The following CSGALNACT1 variants were observed in gnomAD, a reference collection of about 807,000 sequenced individuals.
CSGALNACT1 encodes the protein chondroitin sulfate N-acetylgalactosaminyltransferase 1.
In CSGALNACT1, 52 loss-of-function variants were observed where a neutral mutation model predicts 51.0. The observed-to-expected ratio is 1.02, with a 90% CI of 0.82 to 1.29. CSGALNACT1 has a LOEUF of 1.29. Ranked by LOEUF, CSGALNACT1 falls within the 50% of genes most tolerant of loss-of-function variation. CSGALNACT1 has a pLI of 0.00. For synonymous variants in CSGALNACT1, 341 were observed against 254.4 expected (o/e 1.34, Z -3.24); for missense variants, 935 against 679.2 (o/e 1.38, Z -4.19).
intron 2 of CSGALNACT1, among the ~76,000 whole-genome samples, chr8:19,597,836 A>C (rs1449454972): frequency 6.6e-6 from 1 of 152,254 alleles, no homozygotes; most frequent in Non-Finnish European, 1.5e-5. Context: ...TACATATGCT[A>C]GATGCTAAAA....
At chr8:19,544,363 G>A (rs556186979) in intron 3 of CSGALNACT1, among the ~76,000 whole-genome samples, 2 of 152,158 alleles carry the variant, frequency 1.3e-5, no homozygotes, top group Admixed American at 6.5e-5. Flanking sequence ...AAGACATTGG[G>A]AACAAATCAA....
At chr8:19,644,206 G>C (rs995019934) in intron 1 of CSGALNACT1, among the ~76,000 whole-genome samples, 7 of 152,028 alleles carry the variant, frequency 4.6e-5, no homozygotes, top group African/African-American at 1.7e-4. Flanking sequence ...ACGGATTAAA[G>C]GCAAATATAC....
intron 3 of CSGALNACT1, among the ~76,000 whole-genome samples, chr8:19,508,563 T>C (rs1420759954): frequency 1.3e-5 from 2 of 152,222 alleles, no homozygotes; most frequent in African/African-American, 2.4e-5. Flanking sequence ...CACCTTGCTG[T>C]TTCTAATGAA....
chr8:19,685,520 A>G (rs1385078070), upstream of CSGALNACT1, among the ~76,000 whole-genome samples: 1 of 152,204 alleles, frequency 6.6e-6, no homozygotes, highest in Non-Finnish European at 1.5e-5. Flanking sequence ...ATAAAACAAG[A>G]AAAAAATTAT....
chr8:19,444,049 G>C (rs748006038), intron 5 of CSGALNACT1, among the ~76,000 whole-genome samples: 14 of 152,198 alleles, frequency 9.2e-5, no homozygotes, highest in Non-Finnish European at 1.6e-4. Flanking sequence ...TCTGACAAGA[G>C]GTGGCACTCA....
At chr8:19,716,879 G>C (rs914121952) in intron 1 of CSGALNACT1, among the ~76,000 whole-genome samples, 4 of 151,886 alleles carry the variant, frequency 2.6e-5, no homozygotes, top group African/African-American at 9.7e-5. Flanking sequence ...AATTAAAGTT[G>C]ACCTCATCCT....
rs545376686 is a variant in CSGALNACT1, at chr8:19,574,447, T to C, written c.-297+16713A>G. On this transcript the variant is annotated intron_variant, in intron 3 of 9. Coordinates refer to ENST00000454498, the Ensembl canonical transcript of CSGALNACT1. ...AGTTTATCAGACAGAACCAAAAAGC[T>C]ATGCTGCTCTTTCACAAGAGGCTCA... Among the ~76,000 whole-genome samples, 5 of 152,312 alleles carry C rather than the reference T, an allele frequency of 3.3e-5. No homozygotes were observed. The South Asian group carries it at 1.0e-3, about 32-fold the overall frequency.
chr8:19,564,236 C>T (rs967893675), intron 3 of CSGALNACT1, among the ~76,000 whole-genome samples: 2 of 152,144 alleles, frequency 1.3e-5, no homozygotes, highest in Admixed American at 6.5e-5. Flanking sequence ...ACAAAATCTA[C>T]GTTTTCTACT....
At position 19,505,692 on chromosome 8, in the gene CSGALNACT1, G is replaced by C. The variant is rs555370310; in HGVS notation, c.143C>G (p.Ala48Gly). 3.7e-6 allele frequency: 6 copies of C among 1,614,164 alleles called. No individual in the cohort carries two copies. The African/African-American group carries it at 5.3e-5, about 14-fold the overall frequency. ...CCCCTCCTTCCCCGTGGGGCTGTTG[G>C]CCCTGGGCAGTGCCAGCTGCTCCTC... The change falls in exon 4 of 10, where the codon GCC becomes GGC. Residue 48 changes from alanine (A) to glycine (G), a missense_variant. Coordinates refer to ENST00000454498, the Ensembl canonical transcript of CSGALNACT1.
At chr8:19,705,966 T>C (rs2062138676) in intron 1 of CSGALNACT1, among the ~76,000 whole-genome samples, 1 of 152,192 alleles carries the variant, frequency 6.6e-6, no homozygotes, top group Non-Finnish European at 1.5e-5. Context: ...CTTGATTATC[T>C]GAATCCCCGA....
intron 1 of CSGALNACT1, among the ~76,000 whole-genome samples, chr8:19,752,008 A>T (rs1444657158): frequency 6.7e-6 from 1 of 149,812 alleles, no homozygotes; most frequent in East Asian, 1.9e-4. Context: ...TAACATTTTT[A>T]AAAATTGTCT....
chr8:19,753,062 T>C (rs368749784), intron 1 of CSGALNACT1, among the ~76,000 whole-genome samples: 68 of 152,222 alleles, frequency 4.5e-4, no homozygotes, highest in African/African-American at 1.5e-3. Context: ...GTACCTATCA[T>C]CTTGGCGTGG....
At chr8:19,507,904 G>T (rs532152476) in intron 3 of CSGALNACT1, among the ~76,000 whole-genome samples, 1 of 152,254 alleles carries the variant, frequency 6.6e-6, no homozygotes, top group Non-Finnish European at 1.5e-5. Context: ...TGGGATTACA[G>T]GCGTGAGCCG....
chr8:19,654,261 A>G lies in CSGALNACT1; in HGVS notation c.-544+28212T>C, dbSNP rs17128799. Among the ~76,000 whole-genome samples, 519 of 152,332 alleles carry G rather than the reference A, an allele frequency of 3.4e-3. 13 individuals carry two copies. In the South Asian group the frequency reaches 0.071, roughly 21 times the overall value. On this transcript the variant is annotated intron_variant, in intron 1 of 9. Transcript: ENST00000332246. ...ACTGGAAATGCTCAATCACTTTCTTACAAGGTCATGTCCAGTTAGCATGGT... is the reference window on the plus strand; with the variant it reads ...ACTGGAAATGCTCAATCACTTTCTTGCAAGGTCATGTCCAGTTAGCATGGT...
chr8:19,572,415 G>T (rs763471103), intron 3 of CSGALNACT1, among the ~76,000 whole-genome samples: 1 of 152,152 alleles, frequency 6.6e-6, no homozygotes, highest in Non-Finnish European at 1.5e-5. Context: ...TTTCAGAACA[G>T]GTTAACATGA....
At chr8:19,497,252 G>T (rs1353664294) in intron 4 of CSGALNACT1, among the ~76,000 whole-genome samples, 1 of 152,182 alleles carries the variant, frequency 6.6e-6, no homozygotes, top group Admixed American at 6.5e-5. Context: ...ATTGCTGGGA[G>T]TGAGAGAGGA....
At chr8:19,753,043 T>C (rs2065138518) in intron 1 of CSGALNACT1, among the ~76,000 whole-genome samples, 1 of 152,144 alleles carries the variant, frequency 6.6e-6, no homozygotes, top group African/African-American at 2.4e-5. Context: ...CCATCCTGCA[T>C]AAAGCTTTGT....
chr8:19,419,689 T>C (rs11786847), intron 7 of CSGALNACT1, among the ~76,000 whole-genome samples: 75,651 of 152,000 alleles, frequency 0.5, 19,605 homozygotes, highest in East Asian at 0.82. Context: ...CCCACCTCGC[T>C]TTCTCCTGGG....
At chr8:19,660,821 G>A (rs2154190323) in intron 1 of CSGALNACT1, among the ~76,000 whole-genome samples, 1 of 152,254 alleles carries the variant, frequency 6.6e-6, no homozygotes, top group South Asian at 2.1e-4. Flanking sequence ...CTACACACAG[G>A]AAAACACAAG....
Sources: allele counts gnomAD v4.1 joint callset (sites outside exome capture counted in the v4.1 genomes callset), GRCh38; gene constraint gnomAD v4.1.1; transcripts MANE v1.5; gene names NCBI Gene and HGNC (gene_info 2026-07-23, HGNC 2026-07-21).